The following MSH3 variants were observed in gnomAD, a reference collection of about 807,000 sequenced individuals.
The protein encoded by MSH3 is mutS homolog 3, also known as DNA mismatch repair protein Msh3.
Under a neutral mutation model 123.3 loss-of-function variants are expected in MSH3, and 106 were observed. That is an observed-to-expected ratio of 0.86 (90% CI 0.73 to 1.01). The LOEUF (loss-of-function observed/expected upper bound fraction) is 1.01, where lower values mean the gene tolerates loss of function less well. MSH3 is among the 50% of genes least tolerant of loss of function. The pLI is 0.00. For synonymous variants in MSH3, 515 were observed against 481.4 expected (o/e 1.07, Z -0.91); for missense variants, 1,459 against 1,347.6 (o/e 1.08, Z -1.29).
chr5:80,689,466 A>G (rs1399404316), intron 8 of MSH3, among the ~76,000 whole-genome samples: 1 of 152,194 alleles, frequency 6.6e-6, no homozygotes, highest in Non-Finnish European at 1.5e-5. Flanking sequence ...TAACCTCCTC[A>G]CCCATTTCAC....
chr5:80,698,313 T>C (rs983282434), intron 8 of MSH3, among the ~76,000 whole-genome samples: 6 of 152,226 alleles, frequency 3.9e-5, no homozygotes, highest in African/African-American at 1.2e-4. Context: ...AACACAGTTA[T>C]TGAGTGGCTG....
chr5:80,662,313 T>C (rs1313348139), intron 2 of MSH3, among the ~76,000 whole-genome samples: 1 of 152,196 alleles, frequency 6.6e-6, no homozygotes, highest in East Asian at 1.9e-4. Flanking sequence ...GTGCACACAA[T>C]GATGAAATCA....
chr5:80,734,225 T>G (rs939948428), intron 10 of MSH3, among the ~76,000 whole-genome samples: 2 of 152,218 alleles, frequency 1.3e-5, no homozygotes, highest in African/African-American at 4.8e-5. Flanking sequence ...TCTGATTCCA[T>G]TTATATGAAA....
intron 8 of MSH3, among the ~76,000 whole-genome samples, chr5:80,721,664 T>C (rs1470184010): frequency 6.6e-6 from 1 of 152,228 alleles, no homozygotes; most frequent in Admixed American, 6.5e-5. Flanking sequence ...GTGTAGTACA[T>C]GTTATCTGTG....
intron 16 of MSH3, among the ~76,000 whole-genome samples, chr5:80,776,031 A>T (rs1006831958): frequency 2.0e-5 from 3 of 152,068 alleles, no homozygotes; most frequent in Admixed American, 2.0e-4. Flanking sequence ...CTGGGACCAC[A>T]GGAGTACACT....
chr5:80,872,806 C>T (rs1746244455), intron 22 of MSH3, among the ~76,000 whole-genome samples: 1 of 152,100 alleles, frequency 6.6e-6, no homozygotes, highest in Admixed American at 6.6e-5. Flanking sequence ...GACCCTATCT[C>T]TAAAAAAGTA....
chr5:80,740,371 T>TC lies in MSH3; in HGVS notation c.1569-1093_1569-1092insC, dbSNP rs1407209452. On this transcript the variant is annotated intron_variant, in intron 10 of 23. Transcript: ENST00000265081. ...TTTTTTTCTTTTCTCTTTTTTTTTT[T>TC]TTTGGAGACGGAGTCACACTCTGTC... Among the ~76,000 whole-genome samples, 6 of 151,748 alleles carry TC rather than the reference T, an allele frequency of 4.0e-5. 1 individual carries two copies. The highest frequency in any genetic ancestry group is 5.9e-5 in the Non-Finnish European group (4 of 67,844).
rs188390367 is a variant in MSH3 at position 80,846,790 on chromosome 5, G to A, written c.2814-7340G>A. Among the ~76,000 whole-genome samples, 7 of 152,338 alleles carry A rather than the reference G, an allele frequency of 4.6e-5. No homozygotes were observed. In the East Asian group the frequency reaches 1.4e-3, roughly 29 times the overall value. On this transcript the variant is annotated intron_variant, in intron 20 of 23. Transcript: ENST00000265081. ...TGGGAAAAGTGCAGTATTTGGTCAG[G>A]AGTGTACTGTTTCTTCAGGTACAGT...
At chr5:80,803,015 A>T (rs1744819884) in intron 19 of MSH3, among the ~76,000 whole-genome samples, 1 of 152,054 alleles carries the variant, frequency 6.6e-6, no homozygotes, top group African/African-American at 2.4e-5. Flanking sequence ...GGCTATTGTG[A>T]ATAGTGCTGC....
At chr5:80,822,566 T>C (rs1256328786) in intron 20 of MSH3, among the ~76,000 whole-genome samples, 1 of 152,234 alleles carries the variant, frequency 6.6e-6, no homozygotes, top group Non-Finnish European at 1.5e-5. Context: ...AGTTCGATAA[T>C]ACCGACTTCA....
At chr5:80,701,577 C>T (rs1750611378) in intron 8 of MSH3, among the ~76,000 whole-genome samples, 1 of 152,156 alleles carries the variant, frequency 6.6e-6, no homozygotes, top group Non-Finnish European at 1.5e-5. Flanking sequence ...TTCTCCTTTT[C>T]ATGGTTCAAG....
chr5:80,658,688 G>C (rs1312627525), intron 2 of MSH3, among the ~76,000 whole-genome samples: 1 of 152,086 alleles, frequency 6.6e-6, no homozygotes, highest in Non-Finnish European at 1.5e-5. Context: ...AAACTCCTGG[G>C]CTCAAGCCAT....
intron 17 of MSH3, among the ~76,000 whole-genome samples, chr5:80,785,323 C>T (rs1030419679): frequency 3.9e-5 from 6 of 152,150 alleles, no homozygotes; most frequent in Admixed American, 2.6e-4. Context: ...TGGTCAGACG[C>T]GTTACCCATT....
At chr5:80,871,906 G>A (rs1167074868) in intron 22 of MSH3, among the ~76,000 whole-genome samples, 1 of 152,116 alleles carries the variant, frequency 6.6e-6, no homozygotes, top group Non-Finnish European at 1.5e-5. Flanking sequence ...CTGGCTGTAG[G>A]CTGCCCCAAA....
At chr5:80,804,306 G>T (rs926886447) in intron 19 of MSH3, among the ~76,000 whole-genome samples, 1 of 152,214 alleles carries the variant, frequency 6.6e-6, no homozygotes, top group African/African-American at 2.4e-5. Flanking sequence ...ATGGGCCTTG[G>T]GTGAGACCCA....
At chr5:80,771,360 T>C (rs572708996) in intron 15 of MSH3, among the ~76,000 whole-genome samples, 2 of 151,626 alleles carry the variant, frequency 1.3e-5, no homozygotes, top group African/African-American at 2.4e-5. Flanking sequence ...GTGTCTATGC[T>C]CCCTGCTACT....
chr5:80,732,518 G>C (rs1427632071), intron 10 of MSH3, among the ~76,000 whole-genome samples: 1 of 152,048 alleles, frequency 6.6e-6, no homozygotes, highest in African/African-American at 2.4e-5. Flanking sequence ...ATCCTAAAAT[G>C]CACAGGATAT....
At chr5:80,741,978 C>G (rs1743623319) in intron 11 of MSH3, among the ~76,000 whole-genome samples, 1 of 150,842 alleles carries the variant, frequency 6.6e-6, no homozygotes. Flanking sequence ...CTGTAAGATG[C>G]ATAACATTTC....
At chr5:80,744,438 T>C in intron 11 of MSH3, 68 bp from the exon 12 acceptor site, 1 of 1,075,056 alleles carries the variant, frequency 9.3e-7, no homozygotes, top group Non-Finnish European at 1.4e-6. Context: ...AGAATCGGGG[T>C]ATATGAAATA....
Sources: gnomAD v4.1 joint callset for allele counts (sites outside exome capture counted in the v4.1 genomes callset) on GRCh38, gnomAD v4.1.1 for gene constraint, MANE v1.5 for transcripts, NCBI Gene and HGNC (gene_info 2026-07-23, HGNC 2026-07-21) for gene names.